TRMT9B: variants seen among roughly 807,000 people sequenced by gnomAD.
TRMT9B encodes the protein probable tRNA methyltransferase 9B.
TRMT9B carries 16 observed loss-of-function variants against 11.5 expected under a neutral mutation model. That is an observed-to-expected ratio of 1.39 (90% confidence interval 0.94 to 2.11). The LOEUF is 2.11. Ranked by LOEUF, TRMT9B falls within the 30% of genes most tolerant of loss-of-function variation. The probability of loss-of-function intolerance (pLI) is 0.00; values close to 1 mark genes in which losing one functional copy is unlikely to be tolerated. For synonymous variants in TRMT9B, 274 were observed against 192.4 expected (o/e 1.42, Z -3.51); for missense variants, 941 against 553.8 (o/e 1.70, Z -7.02).
At chr8:13,020,918 T>G (rs1813705750) in intron 4 of TRMT9B, 90 bp from the exon 5 acceptor site, 2 of 840,486 alleles carry the variant, frequency 2.4e-6, no homozygotes, top group Non-Finnish European at 3.5e-6. Flanking sequence ...ATGTCAAAAT[T>G]TCATCCTTGT....
chr8:12,950,267 A>T (rs558219703), intron 1 of TRMT9B, among the ~76,000 whole-genome samples: 37 of 152,336 alleles, frequency 2.4e-4, no homozygotes, highest in African/African-American at 8.4e-4. Context: ...AAGTTAAGGT[A>T]GGTTACTTTC....
intron 1 of TRMT9B, chr8:12,952,552 G>T: frequency 4.1e-6 from 1 of 244,962 alleles, no homozygotes; most frequent in East Asian, 1.8e-4. Context: ...GGTTAAAGTG[G>T]ATTCGTATTT....
chr8:13,007,455 G>A (rs1810694921), intron 3 of TRMT9B: 1 of 152,140 alleles, frequency 6.6e-6, no homozygotes, highest in Non-Finnish European at 1.5e-5. Flanking sequence ...CTGCACCTAT[G>A]AGTCGTAAGT....
chr8:12,951,249 C>T (rs1800578826), intron 1 of TRMT9B: 1 of 152,244 alleles, frequency 6.6e-6, no homozygotes, highest in Admixed American at 6.5e-5. Flanking sequence ...TAAGCCGTGG[C>T]ACCCTACTTA....
intron 1 of TRMT9B, among the ~76,000 whole-genome samples, chr8:12,948,961 A>AAAAC (rs546091011): frequency 6.6e-6 from 1 of 152,216 alleles, no homozygotes; most frequent in Non-Finnish European, 1.5e-5. Flanking sequence ...CTCCGTTTCA[A>AAAAC]AAACAAACAA....
intron 1 of TRMT9B, among the ~76,000 whole-genome samples, chr8:12,959,696 G>T (rs1801826348): frequency 1.3e-5 from 2 of 151,314 alleles, no homozygotes; most frequent in African/African-American, 4.9e-5. Flanking sequence ...ACTTTGTTTA[G>T]TTTTTGTGTA....
chr8:13,008,495 A>C (rs2466273), intron 3 of TRMT9B, among the ~76,000 whole-genome samples: 21,998 of 152,158 alleles, frequency 0.14, 2,574 homozygotes, highest in African/African-American at 0.33. Flanking sequence ...TAATAATGAC[A>C]ATGCAAGGCT....
chr8:12,996,457 C>G (rs562403022), intron 2 of TRMT9B, among the ~76,000 whole-genome samples: 2 of 152,300 alleles, frequency 1.3e-5, no homozygotes, highest in African/African-American at 2.4e-5. Context: ...AGGCAAAACT[C>G]TCTCAGCACT....
chr8:12,973,249 G>A (rs1210832652), intron 1 of TRMT9B, among the ~76,000 whole-genome samples: 1 of 152,178 alleles, frequency 6.6e-6, no homozygotes, highest in Non-Finnish European at 1.5e-5. Flanking sequence ...GGGAGAAGAC[G>A]TATTTAGGAA....
intron 1 of TRMT9B, among the ~76,000 whole-genome samples, chr8:12,982,762 T>G (rs76522631): frequency 0.023 from 3,500 of 152,264 alleles, 65 homozygotes; most frequent in Non-Finnish European, 0.038. Flanking sequence ...CTCAAAAATT[T>G]GAAACTTTTT....
chr8:12,991,297 A>AT (rs1295057431), intron 2 of TRMT9B, among the ~76,000 whole-genome samples: 1 of 152,194 alleles, frequency 6.6e-6, no homozygotes, highest in Non-Finnish European at 1.5e-5. Context: ...TTTAAATGAG[A>AT]TTTTTATCAC....
Position 13,021,201 on chromosome 8 carries a change from G to A in TRMT9B, c.522G>A (p.Gln174=), listed in dbSNP as rs1302193245. The A allele has an allele frequency of 6.2e-7, 1 of 1,613,736 alleles. No individual in the cohort carries two copies. The highest frequency in any genetic ancestry group is 1.3e-5 in the African/African-American group (1 of 74,926). ...LCSQLFSESS[Q]SGRKRQCGYP... ...CCCAGCTCTTCTCAGAGTCCAGCCA[G>A]TCTGGGAGGAAGAGGCAGTGTGGAT... The change falls in exon 5 of 5, where the codon CAG becomes CAA. Residue 174 remains glutamine, a synonymous_variant. Transcript: ENST00000524591.
intron 1 of TRMT9B, among the ~76,000 whole-genome samples, chr8:12,978,908 A>G (rs1011462499): frequency 2.0e-5 from 3 of 152,198 alleles, no homozygotes; most frequent in African/African-American, 7.2e-5. Context: ...TCACCTGCAG[A>G]ATCTGTATGC....
chr8:12,948,378 T>A (rs1007866261), intron 1 of TRMT9B, among the ~76,000 whole-genome samples: 18 of 149,662 alleles, frequency 1.2e-4, no homozygotes, highest in African/African-American at 4.4e-4. Context: ...AAATTGTAAA[T>A]GAACCATCGT....
intron 2 of TRMT9B, among the ~76,000 whole-genome samples, chr8:13,003,785 C>G (rs762224492): frequency 1.3e-5 from 2 of 150,894 alleles, no homozygotes; most frequent in Non-Finnish European, 2.9e-5. Context: ...CTCCGCCACC[C>G]TCCCCACAAG....
chr8:13,016,011 TG>T (rs1180400920), intron 4 of TRMT9B, among the ~76,000 whole-genome samples: 2 of 151,028 alleles, frequency 1.3e-5, no homozygotes, highest in Non-Finnish European at 2.9e-5. Context: ...TTTGGGAGGC[TG>T]GGGTGAGAGG....
intron 2 of TRMT9B, among the ~76,000 whole-genome samples, chr8:13,002,666 G>A (rs879703291): frequency 6.6e-6 from 1 of 152,160 alleles, no homozygotes; most frequent in Non-Finnish European, 1.5e-5. Flanking sequence ...AGGAATGATG[G>A]AATTATATTA....
chr8:13,022,229 G>T lies in TRMT9B; in HGVS notation c.*185G>T. The stretch of plus-strand genomic sequence containing the variant: ...ATAAGCACAGATTCTGGCATTGAAA[G>T]CACTTGACAAAGGGTATTTGTGCTT... On this transcript the variant is annotated 3_prime_UTR_variant, in exon 5 of 5. Transcript: ENST00000524591. 1.9e-6 allele frequency: 1 copy of T among 533,832 alleles called. No individual in the cohort carries two copies. The highest frequency in any genetic ancestry group is 3.3e-6 in the Non-Finnish European group (1 of 298,866). 33.1% of individuals were successfully genotyped at this position (533,832 alleles called of 1,614,324 possible).
intron 1 of TRMT9B, among the ~76,000 whole-genome samples, chr8:12,953,526 G>A (rs947289222): frequency 6.6e-6 from 1 of 151,838 alleles, no homozygotes; most frequent in African/African-American, 2.4e-5. Flanking sequence ...ATTTTTTTGT[G>A]TTTTTAGTAG....
Sources: gnomAD v4.1 joint callset for allele counts (sites outside exome capture counted in the v4.1 genomes callset) on GRCh38, gnomAD v4.1.1 for gene constraint, MANE v1.5 for transcripts, NCBI Gene and HGNC (gene_info 2026-07-23, HGNC 2026-07-21) for gene names.